Variants in NALF1 observed in about 807,000 individuals in gnomAD.
The protein encoded by NALF1 is NALCN channel auxiliary factor 1, also known as family with sequence similarity 155 member A.
In NALF1, 3 loss-of-function variants were observed where a neutral mutation model predicts 48.4. The ratio of observed to expected loss-of-function variants is 0.06; its 90% CI spans 0.03 to 0.16. NALF1 has a LOEUF of 0.16. NALF1 is among the 10% of genes least tolerant of loss of function. NALF1 has a pLI of 1.00. For missense variants in NALF1, 526 were observed against 571.5 expected (o/e 0.92, Z 0.81); for synonymous variants, 262 against 245.7 (o/e 1.07, Z -0.62).
At chr13:107,393,888 G>A (rs1467767852) in intron 1 of NALF1, among the ~76,000 whole-genome samples, 1 of 152,166 alleles carries the variant, frequency 6.6e-6, no homozygotes, top group Non-Finnish European at 1.5e-5. Context: ...TCTGCATTTA[G>A]AATGTTGAGT....
At chr13:107,738,255 A>C (rs1260974314) in intron 1 of NALF1, among the ~76,000 whole-genome samples, 1 of 152,190 alleles carries the variant, frequency 6.6e-6, no homozygotes, top group Non-Finnish European at 1.5e-5. Context: ...CACTTTCTAG[A>C]ATGTTCCCCC....
At chr13:107,392,682 T>C (rs1231867893) in intron 1 of NALF1, among the ~76,000 whole-genome samples, 1 of 112,874 alleles carries the variant, frequency 8.9e-6, no homozygotes, top group Non-Finnish European at 2.2e-5. Flanking sequence ...TCCAAGCATG[T>C]GTGTGTGTGT....
intron 1 of NALF1, among the ~76,000 whole-genome samples, chr13:107,622,674 G>A (rs995110694): frequency 5.9e-5 from 9 of 152,028 alleles, no homozygotes; most frequent in Non-Finnish European, 1.0e-4. Context: ...TTAATAATTC[G>A]TCAATGAACA....
chr13:107,364,105 A>G lies in NALF1; in HGVS notation c.916-153350T>C, dbSNP rs1350546010. Among the ~76,000 whole-genome samples, 6 of 152,224 alleles carry G rather than the reference A, an allele frequency of 3.9e-5. No individual in the cohort carries two copies. In the East Asian group the frequency reaches 1.2e-3, roughly 29 times the overall value. Reference sequence around the variant, plus strand: ...ATTTGGAATGTTTTTCTTTTTACTGAGAAACAAAAGCTGCTCAGTACTGTT... The same window carrying G: ...ATTTGGAATGTTTTTCTTTTTACTGGGAAACAAAAGCTGCTCAGTACTGTT... On this transcript the variant is annotated intron_variant, in intron 1 of 2. Transcript: ENST00000375915.
At chr13:107,545,105 CTA>C (rs1877102154) in intron 1 of NALF1, among the ~76,000 whole-genome samples, 1 of 152,214 alleles carries the variant, frequency 6.6e-6, no homozygotes, top group South Asian at 2.1e-4. Context: ...AAATAGGTCT[CTA>C]TAGATGCAGT....
At chr13:107,405,567 C>T (rs1385284401) in intron 1 of NALF1, among the ~76,000 whole-genome samples, 3 of 152,120 alleles carry the variant, frequency 2.0e-5, no homozygotes, top group South Asian at 4.1e-4. Flanking sequence ...GTCAGGAGTT[C>T]AGTGTCTGAT....
At chr13:107,564,701 G>T (rs1877744204) in intron 1 of NALF1, among the ~76,000 whole-genome samples, 1 of 152,118 alleles carries the variant, frequency 6.6e-6, no homozygotes, top group African/African-American at 2.4e-5. Context: ...GTCCAAGAAA[G>T]GCCCACTGGC....
intron 1 of NALF1, among the ~76,000 whole-genome samples, chr13:107,492,524 G>A (rs1875175984): frequency 6.6e-6 from 1 of 152,044 alleles, no homozygotes; most frequent in Non-Finnish European, 1.5e-5. Context: ...TCTCTCAGTT[G>A]ATGGTCACCT....
chr13:107,600,540 T>C (rs1165915954), intron 1 of NALF1, among the ~76,000 whole-genome samples: 1 of 152,218 alleles, frequency 6.6e-6, no homozygotes, highest in Non-Finnish European at 1.5e-5. Flanking sequence ...CAATGTTTTT[T>C]TGAATAGCTA....
chr13:107,689,046 T>G (rs978477006), intron 1 of NALF1, among the ~76,000 whole-genome samples: 2 of 152,226 alleles, frequency 1.3e-5, no homozygotes, highest in Non-Finnish European at 2.9e-5. Flanking sequence ...TGCTCTGTCA[T>G]GGACTGGACA....
chr13:107,768,337 T>A (rs1378179759), intron 1 of NALF1, among the ~76,000 whole-genome samples: 1 of 152,198 alleles, frequency 6.6e-6, no homozygotes, highest in Non-Finnish European at 1.5e-5. Flanking sequence ...CTGTAATCCT[T>A]CAATTTTCTT....
chr13:107,774,833 G>A (rs1018819173), intron 1 of NALF1, among the ~76,000 whole-genome samples: 1 of 152,056 alleles, frequency 6.6e-6, no homozygotes, highest in African/African-American at 2.4e-5. Flanking sequence ...CTAAATCTCA[G>A]CTCTTATGGT....
At chr13:107,303,325 A>G (rs1881874000) in intron 1 of NALF1, among the ~76,000 whole-genome samples, 2 of 152,238 alleles carry the variant, frequency 1.3e-5, no homozygotes. Flanking sequence ...ACAAGATCGA[A>G]TGACTGAAGA....
chr13:107,851,805 C>CATTTTTT lies in NALF1; in HGVS notation c.915+13876_915+13877insAAAAAAT, dbSNP rs1555329721. Among the ~76,000 whole-genome samples the CATTTTTT allele has an allele frequency of 2.8e-4, 29 of 104,730 alleles. 1 individual carries two copies. The highest frequency in any genetic ancestry group is 1.4e-3 in the East Asian group (5 of 3,490). 68.7% of individuals were successfully genotyped at this position (104,730 alleles called of 152,430 possible). A position where few individuals can be genotyped will look rare whatever the true frequency, so the allele number is the denominator to read the frequency against. The stretch of plus-strand genomic sequence containing the variant: ...GGATTAAGGGCTTTACAGGCCCTTT[C>CATTTTTT]TTTTTTTTTTTTTTTTTTTTTGAGA... On this transcript the variant is annotated intron_variant, in intron 1 of 2. Transcript: ENST00000375915.
intron 1 of NALF1, among the ~76,000 whole-genome samples, chr13:107,750,483 A>G (rs1876907690): frequency 6.6e-6 from 1 of 152,202 alleles, no homozygotes; most frequent in African/African-American, 2.4e-5. Context: ...TTTGGAATGA[A>G]AGTGAATCAT....
intron 1 of NALF1, among the ~76,000 whole-genome samples, chr13:107,552,716 A>G (rs1416849670): frequency 6.6e-6 from 1 of 152,158 alleles, no homozygotes; most frequent in Non-Finnish European, 1.5e-5. Context: ...TTATTATAAA[A>G]GGAAAAAGCA....
chr13:107,250,796 T>C (rs1880683666), intron 1 of NALF1, among the ~76,000 whole-genome samples: 1 of 152,140 alleles, frequency 6.6e-6, no homozygotes, highest in Non-Finnish European at 1.5e-5. Context: ...AGTGATTGGA[T>C]CATGGGGTCA....
chr13:107,535,433 CA>C (rs1353810976), intron 1 of NALF1, among the ~76,000 whole-genome samples: 2 of 151,876 alleles, frequency 1.3e-5, no homozygotes, highest in Non-Finnish European at 1.5e-5. Context: ...ACACCAATAA[CA>C]GACAAACAGA....
chr13:107,465,271 A>G (rs1327698952), intron 1 of NALF1, among the ~76,000 whole-genome samples: 1 of 151,240 alleles, frequency 6.6e-6, no homozygotes, highest in Non-Finnish European at 1.5e-5. Flanking sequence ...TTTGTTAAAT[A>G]TTGTCATGTT....
Sources: gnomAD v4.1 joint callset for allele counts (sites outside exome capture counted in the v4.1 genomes callset) on GRCh38, gnomAD v4.1.1 for gene constraint, MANE v1.5 for transcripts, NCBI Gene and HGNC (gene_info 2026-07-23, HGNC 2026-07-21) for gene names.